GFOD2: variants seen among roughly 807,000 people sequenced by gnomAD.
The protein encoded by GFOD2 is glucose-fructose oxidoreductase domain-containing protein 2.
In GFOD2, 9 loss-of-function variants were observed where a neutral mutation model predicts 24.6. The ratio of observed to expected loss-of-function variants is 0.37; its 90% CI spans 0.22 to 0.64. The LOEUF (loss-of-function observed/expected upper bound fraction) is 0.64. GFOD2 is among the 30% of genes least tolerant of loss of function. GFOD2 has a pLI of 0.65. For synonymous variants in GFOD2, 211 were observed against 224.8 expected, an observed-to-expected ratio of 0.94 and a Z score of 0.55; for missense variants, 476 against 532.5, an observed-to-expected ratio of 0.89 and a Z score of 1.04.
intron 1 of GFOD2, among the ~76,000 whole-genome samples, chr16:67,697,653 A>G (rs1188084798): frequency 6.6e-6 from 1 of 152,178 alleles, no homozygotes; most frequent in Admixed American, 6.5e-5. Flanking sequence ...AAGAAAGAAA[A>G]AGAGTCATTT....
At chr16:67,677,303 T>A (rs2053191000) in intron 2 of GFOD2, 1 of 152,156 alleles carries the variant, frequency 6.6e-6, no homozygotes, top group Admixed American at 6.5e-5. Flanking sequence ...TTCCGCCTCC[T>A]GGGTTCAAGC....
chr16:67,685,200 A>G (rs1014357539), intron 2 of GFOD2: 194 of 1,411,404 alleles, frequency 1.4e-4, no homozygotes, highest in Non-Finnish European at 1.7e-4. Flanking sequence ...AGATGCAACC[A>G]TCTCCAGCCC....
At position 67,675,899 on chromosome 16, in the gene GFOD2, C is replaced by G. The variant is rs149276567; in HGVS notation, c.414G>C (p.Ser138=). The G allele has an allele frequency of 6.2e-7, 1 of 1,614,174 alleles. No individual in the cohort carries two copies. The highest frequency in any genetic ancestry group is 1.1e-5 in the South Asian group (1 of 91,072). ...PAFVRMKQLI[S]EHYVGAVMIC... ...TCATCACCGCTCCCACATAGTGTTC[C>G]GAAATCAGCTGTTTCATGCGCACGA... The change falls in exon 3 of 3, where the codon TCG becomes TCC. Residue 138 remains serine, a synonymous_variant. Transcript: ENST00000268797.
chr16:67,683,708 A>G, intron 2 of GFOD2: 1 of 1,230,184 alleles, frequency 8.1e-7, no homozygotes, highest in Non-Finnish European at 1.0e-6. Context: ...GAGGTGACAG[A>G]CACCTTCCTA....
rs1361164779 is a variant in GFOD2, at chr16:67,681,785, C to T, written c.259+3672G>A. ...GCAAGGACATCTTGACTTAAACAGGCTCCTGAGGGCTAGCTGTACAGAGTC... is the reference window on the plus strand; with the variant it reads ...GCAAGGACATCTTGACTTAAACAGGTTCCTGAGGGCTAGCTGTACAGAGTC... On this transcript the variant is annotated intron_variant, in intron 2 of 2. Transcript: ENST00000268797. 7.1e-6 allele frequency: 7 copies of T among 985,196 alleles called. No individual in the cohort carries two copies. The African/African-American group carries it at 1.0e-4, about 15-fold the overall frequency. The allele number at this position is 985,196 out of a possible 1,614,324, so 61.0% of individuals were successfully genotyped here. A position where few individuals can be genotyped will look rare whatever the true frequency, so the allele number is the denominator to read the frequency against.
At chr16:67,689,211 G>A (rs1026224872) in intron 1 of GFOD2, among the ~76,000 whole-genome samples, 1 of 150,220 alleles carries the variant, frequency 6.7e-6, no homozygotes, top group Admixed American at 6.6e-5. Flanking sequence ...GCTAATTTTT[G>A]TATTTTTGGT....
intron 1 of GFOD2, among the ~76,000 whole-genome samples, chr16:67,707,319 T>C (rs1400698341): frequency 1.4e-5 from 2 of 146,050 alleles, no homozygotes; most frequent in Non-Finnish European, 1.5e-5. Flanking sequence ...GATCGCGCCA[T>C]TGCACTCCAG....
At chr16:67,680,020 C>T (rs1463900539) in intron 2 of GFOD2, among the ~76,000 whole-genome samples, 1 of 152,182 alleles carries the variant, frequency 6.6e-6, no homozygotes, top group Non-Finnish European at 1.5e-5. Flanking sequence ...CCCAGCTTTC[C>T]AAGTAGCAAG....
At chr16:67,703,975 C>T (rs1373945354) in intron 1 of GFOD2, among the ~76,000 whole-genome samples, 1 of 152,152 alleles carries the variant, frequency 6.6e-6, no homozygotes, top group Non-Finnish European at 1.5e-5. Context: ...TTTCACTCAG[C>T]GTAATGTCCT....
chr16:67,680,058 G>A (rs1030334706), intron 2 of GFOD2, among the ~76,000 whole-genome samples: 1 of 152,162 alleles, frequency 6.6e-6, no homozygotes, highest in South Asian at 2.1e-4. Context: ...AGCACGCCCA[G>A]CTGATTTTTA....
At chr16:67,686,604 CG>C (rs1270804424) in intron 1 of GFOD2, among the ~76,000 whole-genome samples, 3 of 150,972 alleles carry the variant, frequency 2.0e-5, no homozygotes, top group Non-Finnish European at 4.4e-5. Flanking sequence ...CCAAGGCGGG[CG>C]GATCACCTGA....
In GFOD2 at chr16:67,701,084, A is replaced by G. The variant is rs1240103265; in HGVS notation, c.-87-15282T>C. ...ACAAATTAAAACTTATTAAATACAC[A>G]TTACAATGTCTGAAATTCAGAAAAC... On this transcript the variant is annotated intron_variant, in intron 1 of 2. Transcript: ENST00000268797. Among the ~76,000 whole-genome samples the G allele has an allele frequency of 6.6e-5, 10 of 152,092 alleles. No homozygotes were observed. The East Asian group carries it at 1.9e-3, about 29-fold the overall frequency.
intron 1 of GFOD2, among the ~76,000 whole-genome samples, chr16:67,701,953 T>A (rs1328804134): frequency 6.6e-6 from 1 of 152,114 alleles, no homozygotes; most frequent in Admixed American, 6.6e-5. Context: ...CATCTTACCT[T>A]CTGTGTATCT....
chr16:67,699,896 A>G (rs1597800073), intron 1 of GFOD2, among the ~76,000 whole-genome samples: 1 of 151,782 alleles, frequency 6.6e-6, no homozygotes, highest in African/African-American at 2.4e-5. Context: ...CCTGGTGAAC[A>G]TGGTGAAACC....
chr16:67,713,945 A>C (rs2053492108), intron 1 of GFOD2, among the ~76,000 whole-genome samples: 3 of 152,014 alleles, frequency 2.0e-5, no homozygotes, highest in Admixed American at 2.0e-4. Flanking sequence ...ACCATCACTC[A>C]GGAGATTCCA....
intron 1 of GFOD2, among the ~76,000 whole-genome samples, chr16:67,696,598 C>T (rs960849968): frequency 3.9e-5 from 6 of 151,994 alleles, no homozygotes; most frequent in Middle Eastern, 3.4e-3. Flanking sequence ...CTCAGCCTCC[C>T]GAGTAGCTGG....
intron 1 of GFOD2, among the ~76,000 whole-genome samples, chr16:67,701,785 TA>T (rs1423659211): frequency 0.042 from 5,539 of 132,272 alleles, 211 homozygotes; most frequent in African/African-American, 0.12. Flanking sequence ...TGACCCCACT[TA>T]AAAAAAAAAA....
chr16:67,702,630 C>T (rs188075842), intron 1 of GFOD2, among the ~76,000 whole-genome samples: 9 of 130,126 alleles, frequency 6.9e-5, no homozygotes, highest in African/African-American at 2.3e-4. Context: ...GATGGAGTCT[C>T]GCTCTGTTGC....
intron 1 of GFOD2, among the ~76,000 whole-genome samples, chr16:67,698,239 G>T (rs552349784): frequency 6.6e-6 from 1 of 152,162 alleles, no homozygotes; most frequent in African/African-American, 2.4e-5. Flanking sequence ...TCTCTCCCAT[G>T]GCCATTGCTT....
Sources: gnomAD v4.1 joint callset for allele counts (sites outside exome capture counted in the v4.1 genomes callset) on GRCh38, gnomAD v4.1.1 for gene constraint, MANE v1.5 for transcripts, NCBI Gene and HGNC (gene_info 2026-07-23, HGNC 2026-07-21) for gene names.